Variants in SPIRE2 observed in about 807,000 individuals in gnomAD.
SPIRE2 encodes the protein protein spire homolog 2.
A neutral mutation model predicts 80.7 loss-of-function variants in SPIRE2; 76 were observed. That is an observed-to-expected ratio of 0.94 (90% CI 0.78 to 1.14). The LOEUF (loss-of-function observed/expected upper bound fraction) is 1.14, where lower values mean the gene tolerates loss of function less well. SPIRE2 is among the 50% of genes most tolerant of loss of function. The probability of loss-of-function intolerance (pLI) is 0.00; values close to 1 mark genes in which losing one functional copy is unlikely to be tolerated. For synonymous variants in SPIRE2, 535 were observed against 432.6 expected (o/e 1.24, Z -2.94); for missense variants, 1,196 against 1,015.3 (o/e 1.18, Z -2.42).
At chr16:89,855,498 G>A in intron 5 of SPIRE2, 102 bp from the exon 6 acceptor site, 2 of 968,566 alleles carry the variant, frequency 2.1e-6, no homozygotes, top group South Asian at 1.5e-5. Flanking sequence ...GGGCGGGTAG[G>A]TGCGAAGACC....
At chr16:89,836,882 C>G (rs2041455523) in intron 1 of SPIRE2, among the ~76,000 whole-genome samples, 1 of 151,632 alleles carries the variant, frequency 6.6e-6, no homozygotes, top group Admixed American at 6.6e-5. Context: ...GTAATCCCAG[C>G]TACTGAGGAG....
In SPIRE2 at chr16:89,863,654, CAG is replaced by C. The variant is rs772439013; in HGVS notation, c.1710+45_1710+46del. 19 of 1,613,662 alleles carry C rather than the reference CAG, an allele frequency of 1.2e-5. No homozygotes were observed. Among genetic ancestry groups the C allele is most frequent in the Non-Finnish European group, 1.5e-5 (18 of 1,179,876 alleles). On this transcript the variant is annotated intron_variant, in intron 11 of 14. Transcript: ENST00000378247. The surrounding 1 kb of genome is among the most constrained non-coding windows in gnomAD (Gnocchi z 4.3). ...GGGGCTACGCTCTTGCCCGCTGGGT[CAG>C]GGGCGGGTGCCGAGAGGGCCAGTTC...
At chr16:89,869,359 T>A (rs1261965995) in intron 13 of SPIRE2, among the ~76,000 whole-genome samples, 1 of 151,960 alleles carries the variant, frequency 6.6e-6, no homozygotes, top group East Asian at 1.9e-4. Flanking sequence ...GAAGCCCCTG[T>A]CCAGATGTGC....
At chr16:89,840,790 C>G (rs935934220) in intron 1 of SPIRE2, among the ~76,000 whole-genome samples, 1 of 149,984 alleles carries the variant, frequency 6.7e-6, no homozygotes, top group Non-Finnish European at 1.5e-5. Flanking sequence ...TGCCCGCCAC[C>G]ACGCCCAGCT....
chr16:89,859,158 T>C lies in SPIRE2; in HGVS notation c.1273-7T>C. 1 of 1,561,310 alleles carries C rather than the reference T, an allele frequency of 6.4e-7. No individual in the cohort carries two copies. The highest frequency in any genetic ancestry group is 8.7e-7 in the Non-Finnish European group (1 of 1,148,912). ...TCAGGGCAGGGCCGCGTCTGGTGTGTCCACAGGAAGAAGAGTCTCCGTGTG... is the reference window on the plus strand; with the variant it reads ...TCAGGGCAGGGCCGCGTCTGGTGTGCCCACAGGAAGAAGAGTCTCCGTGTG... On this transcript the variant is annotated splice_region_variant and splice_polypyrimidine_tract_variant and intron_variant, in intron 8 of 14. Transcript: ENST00000378247.
rs111584806 is a variant in SPIRE2, at chr16:89,858,245, G to A, written c.1103-93G>A. The A allele has an allele frequency of 2.0e-4, 271 of 1,323,390 alleles. 1 individual carries two copies. Among genetic ancestry groups the A allele is most frequent in the Admixed American group, 1.0e-4 (4 of 39,050 alleles). The allele number at this position is 1,323,390 out of a possible 1,614,324, so 82.0% of individuals were successfully genotyped here. Reference sequence around the variant, plus strand: ...CAGTTTCCCCTTCTGCAAAGTCAGGGAATTAAGCCAGCTGGTGCACACAAA... The same window carrying A: ...CAGTTTCCCCTTCTGCAAAGTCAGGAAATTAAGCCAGCTGGTGCACACAAA... On this transcript the variant is annotated intron_variant, in intron 7 of 14. Coordinates refer to ENST00000378247, the MANE Select transcript of SPIRE2 (RefSeq NM_032451.2).
At position 89,870,546 on chromosome 16, in the gene SPIRE2, AAGC is replaced by A; in HGVS notation, c.*277_*279del. 7.9e-6 allele frequency: 3 copies of A among 381,474 alleles called. No homozygotes were observed. In the Middle Eastern group the frequency reaches 2.3e-3, roughly 298 times the overall value. The allele number at this position is 381,474 out of a possible 1,614,324, so 23.6% of individuals were successfully genotyped here. A position where few individuals can be genotyped will look rare whatever the true frequency, so the allele number is the denominator to read the frequency against. Reference sequence around the variant, plus strand: ...GGTGGGTTTTCTCACTGAAGAGAGAAAGCAGAAGGTTCTAGATCCTGGCACAGA... The same window carrying A: ...GGTGGGTTTTCTCACTGAAGAGAGAAAGAAGGTTCTAGATCCTGGCACAGA... On this transcript the variant is annotated 3_prime_UTR_variant, in exon 15 of 15. Coordinates refer to ENST00000378247, the MANE Select transcript of SPIRE2 (RefSeq NM_032451.2).
In SPIRE2 at chr16:89,856,153, G is replaced by C. The variant is rs762516892; in HGVS notation, c.1019G>C (p.Arg340Thr). Residue 340 changes from arginine to threonine, a missense_variant, in exon 7 of 15, where the codon AGG becomes ACG. Transcript: ENST00000378247. Reference sequence around the variant, plus strand: ...CTGCGCCCGTTGCCACCAAAGCAAAGGTCCCTGCATGAGAAGATCCTGGAG... The same window carrying C: ...CTGCGCCCGTTGCCACCAAAGCAAACGTCCCTGCATGAGAAGATCCTGGAG... ...RRLRPLPPKQ[R>T]SLHEKILEEI... 6.2e-7 allele frequency: 1 copy of C among 1,611,630 alleles called. No homozygotes were observed. Among genetic ancestry groups the C allele is most frequent in the South Asian group, 1.1e-5 (1 of 90,848 alleles).
At chr16:89,849,432 A>G (rs545135050) in intron 2 of SPIRE2, among the ~76,000 whole-genome samples, 3 of 152,392 alleles carry the variant, frequency 2.0e-5, no homozygotes, top group African/African-American at 7.2e-5. Context: ...CCGGCACAGC[A>G]TCTGACATAA....
At chr16:89,849,415 G>A (rs1442448847) in intron 2 of SPIRE2, among the ~76,000 whole-genome samples, 2 of 152,148 alleles carry the variant, frequency 1.3e-5, no homozygotes, top group Non-Finnish European at 2.9e-5. Flanking sequence ...TACGTGATGT[G>A]CAGGGCCCGG....
intron 1 of SPIRE2, among the ~76,000 whole-genome samples, chr16:89,838,082 C>CT (rs2041467925): frequency 6.6e-6 from 1 of 151,588 alleles, no homozygotes; most frequent in African/African-American, 2.4e-5. Flanking sequence ...TCACTGCAGT[C>CT]TCCGCCTCCG....
At chr16:89,839,774 A>G (rs1057312743) in intron 1 of SPIRE2, among the ~76,000 whole-genome samples, 2 of 152,166 alleles carry the variant, frequency 1.3e-5, no homozygotes, top group Non-Finnish European at 1.5e-5. Context: ...ACCCCTTCCC[A>G]TGCAGAGAGC....
chr16:89,835,935 G>A (rs1454845203), intron 1 of SPIRE2, among the ~76,000 whole-genome samples: 1 of 152,158 alleles, frequency 6.6e-6, no homozygotes, highest in Non-Finnish European at 1.5e-5. Flanking sequence ...AGCACTTTGG[G>A]AGGCTGAGGC....
Position 89,828,781 on chromosome 16 carries a change from G to C in SPIRE2, c.231G>C (p.Glu77Asp). 8.4e-7 allele frequency: 1 copy of C among 1,183,908 alleles called. No individual in the cohort carries two copies. The highest frequency in any genetic ancestry group is 1.0e-6 in the Non-Finnish European group (1 of 957,168). 73.3% of individuals were successfully genotyped at this position (1,183,908 alleles called of 1,614,324 possible). A position where few individuals can be genotyped will look rare whatever the true frequency, so the allele number is the denominator to read the frequency against. ...GGGACGGCTCGGTCGGGGCGCGGGA[G>C]CCCGAGGCCGCGGGTGAGGCCGGGG... ...LRGDGSVGAR[E>D]PEAAEPATMV... The change falls in exon 1 of 15, where the codon GAG becomes GAC. Residue 77 changes from glutamate (E) to aspartate (D), a missense_variant. Transcript: ENST00000378247. The surrounding 1 kb of genome is among the most constrained non-coding windows in gnomAD (Gnocchi z 5.9).
intron 1 of SPIRE2, among the ~76,000 whole-genome samples, chr16:89,832,820 G>T (rs1204522507): frequency 5.3e-5 from 8 of 151,948 alleles, no homozygotes; most frequent in African/African-American, 1.7e-4. Context: ...CCCTGTTTTT[G>T]TTGTTGTTGT....
chr16:89,848,568 T>C lies in SPIRE2; in HGVS notation c.289-1736T>C, dbSNP rs1039175559. On this transcript the variant is annotated intron_variant, in intron 2 of 14. Transcript: ENST00000378247. ...AGACGAGGCAGGTTCCAGGGCCTTC[T>C]ACAGTATTTCTGCAGGACAGACGAG... Among the ~76,000 whole-genome samples, 4 of 145,892 alleles carry C rather than the reference T, an allele frequency of 2.7e-5. No homozygotes were observed. The East Asian group carries it at 8.8e-4, about 32-fold the overall frequency.
At chr16:89,856,499 C>T (rs536620233) in intron 7 of SPIRE2, among the ~76,000 whole-genome samples, 1 of 152,014 alleles carries the variant, frequency 6.6e-6, no homozygotes, top group South Asian at 2.1e-4. Context: ...GGATGGAGTG[C>T]AGTGGAGCGA....
intron 1 of SPIRE2, among the ~76,000 whole-genome samples, chr16:89,842,048 T>TAGTTTTATAACATCTG (rs1555591990): frequency 6.6e-6 from 1 of 151,390 alleles, no homozygotes; most frequent in Non-Finnish European, 1.5e-5. Flanking sequence ...TTTTAACATC[T>TAGTTTTATAACATCTG]AGTTTTATAA....
chr16:89,831,022 G>A (rs2041375096), intron 1 of SPIRE2, among the ~76,000 whole-genome samples: 1 of 148,446 alleles, frequency 6.7e-6, no homozygotes, highest in Admixed American at 6.7e-5. Context: ...CCATTCTCCT[G>A]CCTCAGCCTC....
Sources: gnomAD v4.1 joint callset for allele counts (sites outside exome capture counted in the v4.1 genomes callset) on GRCh38, gnomAD v4.1.1 for gene constraint, Gnocchi (gnomAD v3.1) non-coding constraint, MANE v1.5 for transcripts, NCBI Gene and HGNC (gene_info 2026-07-23, HGNC 2026-07-21) for gene names.